Variants in ANKRD44 observed in about 807,000 individuals in gnomAD.
ANKRD44 encodes the protein serine/threonine-protein phosphatase 6 regulatory ankyrin repeat subunit B.
ANKRD44 carries 35 observed loss-of-function variants against 116.0 expected under a neutral mutation model. The ratio of observed to expected loss-of-function variants is 0.30; its 90% confidence interval spans 0.23 to 0.40. The LOEUF (loss-of-function observed/expected upper bound fraction) is 0.40. Among genes scored for constraint, ANKRD44 ranks in the 10% least tolerant of loss-of-function variants. The pLI is 1.00. For missense variants in ANKRD44, 1,014 were observed against 1,242.6 expected (o/e 0.82, Z 2.77); for synonymous variants, 435 against 461.8 (o/e 0.94, Z 0.74).
intron 1 of ANKRD44, among the ~76,000 whole-genome samples, chr2:197,294,586 C>A (rs1253641589): frequency 6.6e-6 from 1 of 152,112 alleles, no homozygotes; most frequent in African/African-American, 2.4e-5. Flanking sequence ...CTCTCTGCAC[C>A]ACCCCTCCGC....
intron 16 of ANKRD44, among the ~76,000 whole-genome samples, chr2:197,075,194 CA>C (rs2077640624): frequency 1.3e-5 from 2 of 152,024 alleles, no homozygotes; most frequent in Non-Finnish European, 2.9e-5. Context: ...CACATTTTTC[CA>C]TTTCAATAAA....
intron 1 of ANKRD44, among the ~76,000 whole-genome samples, chr2:197,254,628 CACATAT>C (rs746145887): frequency 0.042 from 5,673 of 134,574 alleles, 173 homozygotes; most frequent in Admixed American, 0.12. Flanking sequence ...CACACACACA[CACATAT>C]ATATATTTGC....
In ANKRD44 at chr2:197,290,300, G is replaced by C. The variant is rs558457740; in HGVS notation, c.27+20278C>G. On this transcript the variant is annotated intron_variant, in intron 1 of 27. Transcript: ENST00000282272. ...TTTTTAATTACGGCTATTCTTGCAGGAGTAAGGTGGTATCTCATTGTGGTT... is the reference window on the plus strand; with the variant it reads ...TTTTTAATTACGGCTATTCTTGCAGCAGTAAGGTGGTATCTCATTGTGGTT... Among the ~76,000 whole-genome samples, 12 of 152,278 alleles carry C rather than the reference G, an allele frequency of 7.9e-5. 2 individuals are homozygous for C. In the South Asian group the frequency reaches 2.5e-3, roughly 32 times the overall value.
intron 1 of ANKRD44, among the ~76,000 whole-genome samples, chr2:197,225,344 T>TTTG (rs1254112530): frequency 6.6e-6 from 1 of 152,070 alleles, no homozygotes; most frequent in Non-Finnish European, 1.5e-5. Context: ...ACTTTTTCTT[T>TTTG]TTGTTGTTGT....
Position 197,125,865 on chromosome 2 carries a change from T to G in ANKRD44, c.434A>C (p.His145Pro). 3 of 1,614,088 alleles carry G rather than the reference T, an allele frequency of 1.9e-6. No homozygotes were observed. Among genetic ancestry groups the G allele is most frequent in the Non-Finnish European group, 2.5e-6 (3 of 1,180,040 alleles). ...VSDRGGRTALHHAALNGHVEM... is the reference protein window; with the variant it reads ...VSDRGGRTALPHAALNGHVEM... ...CACGTGGCCGTTCAGAGCCGCATGG[T>G]GCAAGGCTGTGCGCCCCCCTCGGTC... is the stretch of plus-strand genomic sequence containing the variant. Residue 145 changes from histidine to proline, a missense_variant, in exon 5 of 28, where the codon CAC (histidine) becomes CCC (proline). Physicochemically the swap from His to Pro is moderately conservative, Grantham distance 77. Coordinates refer to ENST00000282272, the MANE Select transcript of ANKRD44 (RefSeq NM_001195144.2).
At chr2:197,214,203 A>C (rs1044811666) in intron 1 of ANKRD44, among the ~76,000 whole-genome samples, 50 of 152,352 alleles carry the variant, frequency 3.3e-4, no homozygotes, top group Middle Eastern at 3.4e-3. Context: ...TTATAGAAAA[A>C]AAACCAAAAG....
At position 197,110,759 on chromosome 2, in the gene ANKRD44, C is replaced by A. The variant is rs1018999383; in HGVS notation, c.985+7G>T. The A allele has an allele frequency of 6.2e-7, 1 of 1,611,164 alleles. No homozygotes were observed. The highest frequency in any genetic ancestry group is 8.5e-7 in the Non-Finnish European group (1 of 1,177,342). ...AAATAATGACACTACTGAAGCATCT[C>A]TCTTACCATTCTGAATGAGGGTCTG... On this transcript the variant is annotated splice_region_variant and intron_variant, in intron 9 of 27. Coordinates refer to ENST00000282272, the MANE Select transcript of ANKRD44 (RefSeq NM_001195144.2).
At chr2:197,247,091 G>C (rs948553087) in intron 1 of ANKRD44, among the ~76,000 whole-genome samples, 3 of 152,150 alleles carry the variant, frequency 2.0e-5, no homozygotes, top group African/African-American at 7.2e-5. Context: ...TTGACTGAAT[G>C]AATGTCCAGG....
chr2:197,035,848 C>T (rs142782679), intron 16 of ANKRD44, among the ~76,000 whole-genome samples: 205 of 152,004 alleles, frequency 1.3e-3, no homozygotes, highest in African/African-American at 4.6e-3. Context: ...TGTCAATCTC[C>T]TCCCTTCAGA....
Position 197,122,564 on chromosome 2 carries a change from T to C in ANKRD44, c.693+86A>G, listed in dbSNP as rs193294221. The C allele has an allele frequency of 1.9e-3, 2,880 of 1,496,060 alleles. 5 individuals carry two copies. The highest frequency in any genetic ancestry group is 2.3e-3 in the Non-Finnish European group (2,564 of 1,116,316). 92.7% of individuals were successfully genotyped at this position (1,496,060 alleles called of 1,614,324 possible). ...AGAAAACAATTCCCCTGCCCTTGAATTAAAGTGCAAACAGGATTTAACTTT... is the reference window on the plus strand; with the variant it reads ...AGAAAACAATTCCCCTGCCCTTGAACTAAAGTGCAAACAGGATTTAACTTT... On this transcript the variant is annotated intron_variant, in intron 7 of 27. Transcript: ENST00000282272.
At chr2:197,283,568 T>C (rs1377338124) in intron 1 of ANKRD44, among the ~76,000 whole-genome samples, 1 of 152,220 alleles carries the variant, frequency 6.6e-6, no homozygotes, top group Non-Finnish European at 1.5e-5. Context: ...AATGTTTCCT[T>C]ATAAAATAAT....
intron 2 of ANKRD44, among the ~76,000 whole-genome samples, chr2:197,186,690 G>T (rs2080679881): frequency 8.1e-6 from 1 of 123,944 alleles, no homozygotes; most frequent in Non-Finnish European, 1.6e-5. Context: ...CAAACTCCTG[G>T]GCTCAAGTGA....
chr2:197,244,289 G>A (rs2082145953), intron 1 of ANKRD44, among the ~76,000 whole-genome samples: 1 of 152,172 alleles, frequency 6.6e-6, no homozygotes, highest in East Asian at 1.9e-4. Flanking sequence ...ATAGTGTAAT[G>A]GGAAAATTGA....
At chr2:197,118,637 G>GAGAGAGAGAGAGAAAGAAAGAAAGAA (rs773839262) in intron 8 of ANKRD44, among the ~76,000 whole-genome samples, 43 of 112,432 alleles carry the variant, frequency 3.8e-4, no homozygotes, top group South Asian at 6.0e-4. Context: ...GAGAGAGAGA[G>GAGAGAGAGAGAGAAAGAAAGAAAGAA]AGAAAGAAAG....
At chr2:197,294,484 G>C (rs1208780613) in intron 1 of ANKRD44, among the ~76,000 whole-genome samples, 1 of 151,994 alleles carries the variant, frequency 6.6e-6, no homozygotes, top group Non-Finnish European at 1.5e-5. Flanking sequence ...AATGACTCTG[G>C]AAGTACAAGA....
intron 9 of ANKRD44, among the ~76,000 whole-genome samples, chr2:197,105,144 G>A (rs912867883): frequency 1.3e-5 from 2 of 151,828 alleles, no homozygotes; most frequent in African/African-American, 4.8e-5. Context: ...ATGGACTCTC[G>A]CTTTTGTTGC....
intron 1 of ANKRD44, among the ~76,000 whole-genome samples, chr2:197,214,974 T>A (rs1336026692): frequency 6.6e-6 from 1 of 152,062 alleles, no homozygotes; most frequent in Admixed American, 6.6e-5. Flanking sequence ...GCCTCCAGGG[T>A]TCAAGTGATT....
intron 2 of ANKRD44, among the ~76,000 whole-genome samples, chr2:197,161,150 G>A (rs34650497): frequency 0.019 from 2,947 of 152,244 alleles, 41 homozygotes; most frequent in Non-Finnish European, 0.031. Flanking sequence ...ACCTCAAAAT[G>A]GCAGGCTTCG....
intron 3 of ANKRD44, among the ~76,000 whole-genome samples, chr2:197,140,532 G>C (rs537576472): frequency 5.3e-5 from 8 of 151,708 alleles, no homozygotes; most frequent in African/African-American, 1.5e-4. Flanking sequence ...TGTTTCTCAC[G>C]CTGGTCTCAA....
Sources: allele counts gnomAD v4.1 joint callset (sites outside exome capture counted in the v4.1 genomes callset), GRCh38; gene constraint gnomAD v4.1.1; transcripts MANE v1.5; gene names NCBI Gene and HGNC (gene_info 2026-07-23, HGNC 2026-07-21).